Variants in ELAVL1 observed in about 807,000 individuals in gnomAD.
ELAVL1 encodes ELAV-like protein 1.
In ELAVL1, 1 loss-of-function variant was observed where a neutral mutation model predicts 28.4. The observed-to-expected ratio is 0.04, with a 90% confidence interval of 0.01 to 0.17. The LOEUF is 0.17. Among genes scored for constraint, ELAVL1 ranks in the 10% least tolerant of loss-of-function variants. ELAVL1 has a pLI of 1.00. For missense variants in ELAVL1, 157 were observed against 447.2 expected (o/e 0.35, Z 5.85); for synonymous variants, 174 against 183.5 (o/e 0.95, Z 0.42).
At chr19:7,988,899 G>C (rs1250662625) in intron 2 of ELAVL1, among the ~76,000 whole-genome samples, 1 of 151,834 alleles carries the variant, frequency 6.6e-6, no homozygotes, top group African/African-American at 2.4e-5. Flanking sequence ...TGGGAAGCCG[G>C]GAAGGGAAGG....
Position 7,991,675 on chromosome 19 carries a change from T to C in ELAVL1, c.141A>G (p.Glu47=). The C allele has an allele frequency of 6.2e-7, 1 of 1,612,614 alleles. No homozygotes were observed. The highest frequency in any genetic ancestry group is 8.5e-7 in the Non-Finnish European group (1 of 1,179,370). The change falls in exon 2 of 6, where the codon GAA becomes GAG. Residue 47 remains glutamate (E), a synonymous_variant. Transcript: ENST00000407627. The part of the protein sequence containing the change: ...RSLFSSIGEV[E]SAKLIRDKVA... The stretch of plus-strand genomic sequence containing the variant: ...CTTTATCCCGAATAAGTTTTGCAGA[T>C]TCAACTTCACCAATGCTGCTGAACA...
In ELAVL1 at chr19:8,003,691, CA is replaced by C. The variant is rs35438998; in HGVS notation, c.-17+1803del. Among the ~76,000 whole-genome samples the C allele has an allele frequency of 3.2e-3, 257 of 80,736 alleles. 3 individuals are homozygous for C. The highest frequency in any genetic ancestry group is 3.0e-3 in the Admixed American group (22 of 7,456). The allele number at this position is 80,736 out of a possible 152,430, so 53.0% of individuals were successfully genotyped here. A position where few individuals can be genotyped will look rare whatever the true frequency, so the allele number is the denominator to read the frequency against. ...TGGGCGGCAGAGTGAGACTCCGTCT[CA>C]AAAAAAAAAAAAAAAAAGAAATAGC... On this transcript the variant is annotated intron_variant, in intron 1 of 5. Coordinates refer to ENST00000407627, the MANE Select transcript of ELAVL1 (RefSeq NM_001419.3).
At chr19:7,973,254 G>A (rs1449214791) in intron 4 of ELAVL1, 2 of 183,812 alleles carry the variant, frequency 1.1e-5, no homozygotes, top group Non-Finnish European at 2.2e-5. Flanking sequence ...TTTTTAAGAC[G>A]GAGTCTCGCT....
intron 1 of ELAVL1, chr19:8,002,216 A>T: frequency 1.0e-6 from 1 of 994,002 alleles, no homozygotes; most frequent in Non-Finnish European, 1.4e-6. Context: ...CTGTATCCTA[A>T]AAAGCCCCAC....
chr19:7,991,795 G>T lies in ELAVL1; in HGVS notation c.21C>A (p.Asp7Glu). 6 of 1,613,298 alleles carry T rather than the reference G, an allele frequency of 3.7e-6. No homozygotes were observed. The highest frequency in any genetic ancestry group is 5.1e-6 in the Non-Finnish European group (6 of 1,179,770). ...CACCCCTGCAGTCTTCGGCCATGTG[G>T]TCTTCATAACCATTAGACATTGTAT... MSNGYE[D>E]HMAEDCRGDI... Residue 7 changes from aspartate (D) to glutamate (E), a missense_variant, in exon 2 of 6, where the codon GAC (aspartate) becomes GAA (glutamate). By Grantham distance (45) the Asp-to-Glu change is conservative. Transcript: ENST00000407627.
At chr19:8,002,030 T>C (rs1294419139) in intron 1 of ELAVL1, 1 of 1,289,006 alleles carries the variant, frequency 7.8e-7, no homozygotes, top group Non-Finnish European at 1.0e-6. Context: ...CTAAAACTGC[T>C]CAGTAGCCAC....
intron 2 of ELAVL1, among the ~76,000 whole-genome samples, chr19:7,987,121 G>T (rs899526922): frequency 4.0e-5 from 6 of 149,838 alleles, no homozygotes; most frequent in Middle Eastern, 6.9e-3. Context: ...GGTGCCGGGG[G>T]GGGGGGAGGG....
chr19:7,995,783 T>TAAAAAAA (rs36099865), intron 1 of ELAVL1, among the ~76,000 whole-genome samples: 1 of 145,710 alleles, frequency 6.9e-6, no homozygotes. Flanking sequence ...CCCACTTCGT[T>TAAAAAAA]AAAAAAAAAA....
Position 7,981,472 on chromosome 19 carries a change from C to T in ELAVL1, c.173-286G>A, listed in dbSNP as rs1249871194. ...TCTTGGGCTCAAGACAGCCTCCCACCTCAGCCTCCAGAGTATCTGGGACTA... is the reference window on the plus strand; with the variant it reads ...TCTTGGGCTCAAGACAGCCTCCCACTTCAGCCTCCAGAGTATCTGGGACTA... On this transcript the variant is annotated intron_variant, in intron 2 of 5. Transcript: ENST00000407627. This position sits in a 1 kb window ranked among gnomAD's most constrained non-coding sequence, Gnocchi z 4.2. Among the ~76,000 whole-genome samples the T allele has an allele frequency of 2.6e-5, 4 of 151,922 alleles. No homozygotes were observed. Among genetic ancestry groups the T allele is most frequent in the Non-Finnish European group, 5.9e-5 (4 of 68,010 alleles).
chr19:7,990,106 T>C (rs1204882594), intron 2 of ELAVL1, among the ~76,000 whole-genome samples: 1 of 152,202 alleles, frequency 6.6e-6, no homozygotes, highest in Non-Finnish European at 1.5e-5. Flanking sequence ...CATTGCAACC[T>C]CCGCCTCCCA....
intron 2 of ELAVL1, among the ~76,000 whole-genome samples, chr19:7,984,070 G>A (rs1388402544): frequency 6.6e-6 from 1 of 152,038 alleles, no homozygotes; most frequent in Non-Finnish European, 1.5e-5. Flanking sequence ...TCTGCCACAT[G>A]CTCTTCCTCA....
Position 7,959,235 on chromosome 19 carries a change from AC to A in ELAVL1, c.*4247del, listed in dbSNP as rs1984738965. On this transcript the variant is annotated 3_prime_UTR_variant, in exon 6 of 6. Transcript: ENST00000407627. ...CAGTGTCAGACTTTATTGAAAACAA[AC>A]CCATGTAAAAACAAAGTTAAAATGA... is the stretch of plus-strand genomic sequence containing the variant. 6.6e-6 allele frequency: 1 copy of A among 152,604 alleles called. No individual in the cohort carries two copies. 9.5% of individuals were successfully genotyped at this position (152,604 alleles called of 1,614,324 possible).
intron 4 of ELAVL1, among the ~76,000 whole-genome samples, chr19:7,972,214 T>C (rs942302657): frequency 6.6e-6 from 1 of 152,198 alleles, no homozygotes; most frequent in Non-Finnish European, 1.5e-5. Context: ...AGCTGAGCGA[T>C]CCTAAATCCC....
intron 1 of ELAVL1, among the ~76,000 whole-genome samples, chr19:7,996,469 G>A (rs147502330): frequency 0.17 from 25,375 of 151,154 alleles, 2,368 homozygotes; most frequent in Non-Finnish European, 0.21. Flanking sequence ...GATTACAGGC[G>A]TGAGCCACCA....
intron 3 of ELAVL1, among the ~76,000 whole-genome samples, chr19:7,977,455 G>A (rs1326973405): frequency 6.6e-6 from 1 of 152,162 alleles, no homozygotes; most frequent in African/African-American, 2.4e-5. Context: ...GGAAGGTCTG[G>A]CCCCGTCAGC....
At position 7,959,590 on chromosome 19, in the gene ELAVL1, C is replaced by G. The variant is rs1984749229; in HGVS notation, c.*3893G>C. 2 of 151,970 alleles carry G rather than the reference C, an allele frequency of 1.3e-5. No homozygotes were observed. Among genetic ancestry groups the G allele is most frequent in the African/African-American group, 4.8e-5 (2 of 41,344 alleles). 9.4% of individuals were successfully genotyped at this position (151,970 alleles called of 1,614,324 possible). ...TAAATGGCCAAGAAAGAAACCTGAA[C>G]GATGTCACTGAAAGGTTGTAGAAAA... On this transcript the variant is annotated 3_prime_UTR_variant, in exon 6 of 6. Coordinates refer to ENST00000407627, the MANE Select transcript of ELAVL1 (RefSeq NM_001419.3).
chr19:7,991,491 C>T (rs1568315611), intron 2 of ELAVL1, among the ~76,000 whole-genome samples, 153 bp downstream of exon 2: 1 of 152,136 alleles, frequency 6.6e-6, no homozygotes, highest in Admixed American at 6.5e-5. Context: ...GAGCAATGGA[C>T]AGAGTTTGAA....
intron 4 of ELAVL1, among the ~76,000 whole-genome samples, chr19:7,971,993 C>T (rs1985127032): frequency 6.6e-6 from 1 of 152,252 alleles, no homozygotes; most frequent in African/African-American, 2.4e-5. Context: ...GGGAGTGCTG[C>T]TGTTCTCTCA....
rs1032306790 is a variant in ELAVL1, at chr19:7,979,970, G to C, written c.276+1113C>G. ...CTGCAGTGACTCAGGAGGCCCCCCTGTGACCATGGAATCTATATGTTACAG... is the reference window on the plus strand; with the variant it reads ...CTGCAGTGACTCAGGAGGCCCCCCTCTGACCATGGAATCTATATGTTACAG... On this transcript the variant is annotated intron_variant, in intron 3 of 5. Coordinates refer to ENST00000407627, the MANE Select transcript of ELAVL1 (RefSeq NM_001419.3). The surrounding 1 kb of genome is among the most constrained non-coding windows in gnomAD (Gnocchi z 5.4). Among the ~76,000 whole-genome samples, 2 of 152,188 alleles carry C rather than the reference G, an allele frequency of 1.3e-5. No homozygotes were observed. The highest frequency in any genetic ancestry group is 4.8e-5 in the African/African-American group (2 of 41,432).
Sources: allele counts gnomAD v4.1 joint callset (sites outside exome capture counted in the v4.1 genomes callset), GRCh38; gene constraint gnomAD v4.1.1; non-coding constraint Gnocchi (gnomAD v3.1); transcripts MANE v1.5; gene names NCBI Gene and HGNC (gene_info 2026-07-23, HGNC 2026-07-21).